NAV2: variants seen among roughly 807,000 people sequenced by gnomAD.
The protein encoded by NAV2 is helicase, APC down-regulated 1.
Under a neutral mutation model 223.2 loss-of-function variants are expected in NAV2, and 54 were observed. The ratio of observed to expected loss-of-function variants is 0.24; its 90% CI spans 0.19 to 0.30. The LOEUF (loss-of-function observed/expected upper bound fraction) is 0.30, where lower values mean the gene tolerates loss of function less well. NAV2 is among the 10% of genes least tolerant of loss of function. The probability of loss-of-function intolerance (pLI) is 1.00; values close to 1 mark genes in which losing one functional copy is unlikely to be tolerated. For missense variants in NAV2, 2,806 were observed against 3,147.5 expected (o/e 0.89, Z 2.60); for synonymous variants, 1,279 against 1,239.3 (o/e 1.03, Z -0.67).
chr11:19,721,102 A>G (rs2050714018), intron 1 of NAV2, among the ~76,000 whole-genome samples: 1 of 152,234 alleles, frequency 6.6e-6, no homozygotes. Flanking sequence ...TTGAACGCTT[A>G]TCTGTTTGAC....
rs375208191 is a variant in NAV2 at position 20,026,696 on chromosome 11, C to T, written c.2769-9263C>T. 1.9e-4 allele frequency among the ~76,000 whole-genome samples: 29 copies of T among 152,126 alleles called. 1 individual carries two copies. Among genetic ancestry groups the T allele is most frequent in the Admixed American group, 7.9e-4 (12 of 15,274 alleles). ...CCTTCAAAGTCTAATGAACACATGA[C>T]GAGCGTTCATTAAAATGTGTAAAAT... On this transcript the variant is annotated intron_variant, in intron 11 of 37. Coordinates refer to ENST00000349880, the MANE Select transcript of NAV2 (RefSeq NM_145117.5).
chr11:19,967,571 C>A (rs760391886), intron 10 of NAV2, among the ~76,000 whole-genome samples: 1 of 152,138 alleles, frequency 6.6e-6, no homozygotes, highest in South Asian at 2.1e-4. Context: ...TTTTTTATTG[C>A]CTAGACACCA....
intron 3 of NAV2, among the ~76,000 whole-genome samples, chr11:19,865,556 A>G (rs1038020436): frequency 6.6e-6 from 1 of 152,172 alleles, no homozygotes; most frequent in East Asian, 1.9e-4. Context: ...CCGCCTTGTC[A>G]GGAGTGATTT....
In NAV2 at chr11:20,120,581, T is replaced by C. The variant is rs2063425563; in HGVS notation, c.*2323T>C. ...CACCTTGTGAGTAGACACCTGCCAATATTGTTTGAAACCTTTTTTTAATAT... is the reference window on the plus strand; with the variant it reads ...CACCTTGTGAGTAGACACCTGCCAACATTGTTTGAAACCTTTTTTTAATAT... On this transcript the variant is annotated 3_prime_UTR_variant, in exon 38 of 38. Coordinates refer to ENST00000349880, the MANE Select transcript of NAV2 (RefSeq NM_145117.5). The C allele has an allele frequency of 6.6e-6, 1 of 152,606 alleles. No individual in the cohort carries two copies. The highest frequency in any genetic ancestry group is 6.6e-5 in the Admixed American group (1 of 15,254). 9.5% of individuals were successfully genotyped at this position (152,606 alleles called of 1,614,324 possible).
intron 10 of NAV2, among the ~76,000 whole-genome samples, chr11:19,953,377 T>G (rs745830619): frequency 1.6e-4 from 25 of 152,198 alleles, no homozygotes; most frequent in Non-Finnish European, 3.5e-4. Context: ...CACATTTCCC[T>G]TCACACACTC....
At chr11:20,071,644 T>G (rs1295454954) in intron 22 of NAV2, among the ~76,000 whole-genome samples, 1 of 151,990 alleles carries the variant, frequency 6.6e-6, no homozygotes, top group African/African-American at 2.4e-5. Flanking sequence ...GACTTTTTAA[T>G]GATTGCCATT....
intron 1 of NAV2, among the ~76,000 whole-genome samples, chr11:19,769,528 C>T (rs2055531776): frequency 1.3e-5 from 2 of 152,162 alleles, no homozygotes; most frequent in Non-Finnish European, 2.9e-5. Flanking sequence ...GTGGACCAGA[C>T]CCAGAGTGCC....
At chr11:19,903,398 T>C (rs1821185208) in intron 6 of NAV2, among the ~76,000 whole-genome samples, 1 of 152,098 alleles carries the variant, frequency 6.6e-6, no homozygotes, top group African/African-American at 2.4e-5. Context: ...TTAGCAGTGG[T>C]TATGCTTGTT....
At chr11:19,595,924 AC>A (rs2046196414) in intron 1 of NAV2, among the ~76,000 whole-genome samples, 1 of 152,212 alleles carries the variant, frequency 6.6e-6, no homozygotes, top group Admixed American at 6.5e-5. Context: ...ATTTTATATC[AC>A]AATTCCGCTC....
At chr11:19,399,153 T>C (rs1849582685) in intron 1 of NAV2, among the ~76,000 whole-genome samples, 1 of 152,158 alleles carries the variant, frequency 6.6e-6, no homozygotes, top group South Asian at 2.1e-4. Flanking sequence ...AAAGTGGATA[T>C]TAAGAAGATA....
chr11:19,743,316 G>A (rs535230581), intron 1 of NAV2, among the ~76,000 whole-genome samples: 1 of 152,292 alleles, frequency 6.6e-6, no homozygotes, highest in African/African-American at 2.4e-5. Context: ...TCAGGGGTCT[G>A]GCCTAGCATA....
At chr11:19,739,131 A>T (rs1218219179) in intron 1 of NAV2, among the ~76,000 whole-genome samples, 1 of 152,156 alleles carries the variant, frequency 6.6e-6, no homozygotes, top group African/African-American at 2.4e-5. Context: ...GCAGTGAACC[A>T]CGATTGTGCC....
chr11:20,077,752 A>G, intron 23 of NAV2, 117 bp downstream of exon 23: 1 of 876,130 alleles, frequency 1.1e-6, no homozygotes, highest in Non-Finnish European at 1.8e-6. Flanking sequence ...GAACTGTTAA[A>G]GTTTAATTGT....
chr11:19,975,919 C>A (rs2049690502), intron 10 of NAV2, among the ~76,000 whole-genome samples: 1 of 151,902 alleles, frequency 6.6e-6, no homozygotes, highest in South Asian at 2.1e-4. Flanking sequence ...ACTCGTTTCT[C>A]CAAAGAGGTT....
chr11:19,455,424 G>T (rs1179433305), intron 1 of NAV2, among the ~76,000 whole-genome samples: 1 of 152,124 alleles, frequency 6.6e-6, no homozygotes, highest in Admixed American at 6.5e-5. Flanking sequence ...GCCACTATAT[G>T]CTCTCATAGC....
At chr11:19,422,699 C>T (rs1015788498) in intron 1 of NAV2, among the ~76,000 whole-genome samples, 8 of 152,214 alleles carry the variant, frequency 5.3e-5, no homozygotes, top group African/African-American at 1.2e-4. Flanking sequence ...ACATTGGAAT[C>T]GTCTGGCCTT....
intron 1 of NAV2, among the ~76,000 whole-genome samples, chr11:19,757,009 A>G (rs370916377): frequency 2.9e-4 from 44 of 151,238 alleles, no homozygotes; most frequent in Non-Finnish European, 5.5e-4. Context: ...GGCTGGACTG[A>G]GCTGGGCTGG....
At chr11:19,503,181 G>A (rs764941174) in intron 1 of NAV2, 1 of 152,164 alleles carries the variant, frequency 6.6e-6, no homozygotes, top group Non-Finnish European at 1.5e-5. Context: ...AAATGGAGCA[G>A]AAGTTAACAG....
chr11:19,611,128 A>T (rs1409246052), intron 1 of NAV2, among the ~76,000 whole-genome samples: 2 of 152,198 alleles, frequency 1.3e-5, no homozygotes, highest in East Asian at 3.8e-4. Flanking sequence ...ATGAGGAAGA[A>T]GCAAAAGCAG....
Sources: gnomAD v4.1 joint callset for allele counts (sites outside exome capture counted in the v4.1 genomes callset) on GRCh38, gnomAD v4.1.1 for gene constraint, MANE v1.5 for transcripts, NCBI Gene and HGNC (gene_info 2026-07-23, HGNC 2026-07-21) for gene names.